The following CSMD2 variants were observed in gnomAD, a reference collection of about 807,000 sequenced individuals.
CSMD2 encodes the protein CUB and Sushi multiple domains 2, also known as CUB and sushi domain-containing protein 2.
Under a neutral mutation model 398.5 loss-of-function variants are expected in CSMD2, and 130 were observed. That is an observed-to-expected ratio of 0.33 (90% CI 0.28 to 0.38). The LOEUF (loss-of-function observed/expected upper bound fraction) is 0.38. Among genes scored for constraint, CSMD2 ranks in the 10% least tolerant of loss-of-function variants. The probability of loss-of-function intolerance (pLI) is 1.00; values close to 1 mark genes in which losing one functional copy is unlikely to be tolerated. For synonymous variants in CSMD2, 1,828 were observed against 1,908.5 expected, an observed-to-expected ratio of 0.96 and a Z score of 1.10; for missense variants, 3,829 against 4,764.9, an observed-to-expected ratio of 0.80 and a Z score of 5.78.
chr1:33,988,520 CT>C (rs1646437413), intron 3 of CSMD2, among the ~76,000 whole-genome samples: 1 of 152,204 alleles, frequency 6.6e-6, no homozygotes, highest in African/African-American at 2.4e-5. Flanking sequence ...CTGCCACTCT[CT>C]GTTTCCTAAC....
chr1:33,758,434 AGCTGT>A (rs1427888921), intron 13 of CSMD2, among the ~76,000 whole-genome samples: 6 of 152,192 alleles, frequency 3.9e-5, no homozygotes, highest in Non-Finnish European at 8.8e-5. Context: ...CTCTCACTCC[AGCTGT>A]GTTGGCTTTG....
chr1:34,097,855 C>A (rs1488099999), intron 1 of CSMD2, among the ~76,000 whole-genome samples: 13 of 75,950 alleles, frequency 1.7e-4, no homozygotes, highest in Non-Finnish European at 1.8e-4. Context: ...GTCAGTGTGG[C>A]GATTCCTCAG....
chr1:33,735,129 T>C (rs963759575), intron 15 of CSMD2, among the ~76,000 whole-genome samples: 2 of 152,222 alleles, frequency 1.3e-5, no homozygotes, highest in Admixed American at 1.3e-4. Context: ...CATAGAGGTG[T>C]TGGAAACTAT....
Position 33,714,778 on chromosome 1 carries a change from G to A in CSMD2, c.3218-3C>T. On this transcript the variant is annotated splice_region_variant and splice_polypyrimidine_tract_variant and intron_variant, in intron 20 of 70. Coordinates refer to ENST00000373381, the MANE Select transcript of CSMD2 (RefSeq NM_001281956.2). ...CTCACAGGGCTCCAAGTCGTACTCT[G>A]GAAAGGTAGCAGGAGATCCGGGCTC... 2 of 1,613,776 alleles carry A rather than the reference G, an allele frequency of 1.2e-6. No homozygotes were observed. The highest frequency in any genetic ancestry group is 1.7e-5 in the Admixed American group (1 of 60,004).
At chr1:33,748,713 C>T (rs1467198566) in intron 13 of CSMD2, among the ~76,000 whole-genome samples, 1 of 152,058 alleles carries the variant, frequency 6.6e-6, no homozygotes, top group African/African-American at 2.4e-5. Flanking sequence ...AGTTATAATA[C>T]TTTATGTCCA....
chr1:33,714,462 G>A, intron 21 of CSMD2, 125 bp downstream of exon 21: 2 of 1,122,454 alleles, frequency 1.8e-6, no homozygotes, highest in East Asian at 2.4e-5. Context: ...CCCACTGCAG[G>A]TAAGTGTGGT....
rs1210413492 is a variant in CSMD2 at position 33,646,642 on chromosome 1, C to G, written c.4774+6G>C. 6.2e-7 allele frequency: 1 copy of G among 1,613,012 alleles called. No individual in the cohort carries two copies. Among genetic ancestry groups the G allele is most frequent in the Admixed American group, 1.7e-5 (1 of 60,014 alleles). On this transcript the variant is annotated splice_donor_region_variant and intron_variant, in intron 29 of 70. Transcript: ENST00000373381. ...CCTCAGTACTCTCTGGCACCAGGGC[C>G]CTTACCTGTATAGTCAATGACGAAG...
chr1:33,840,604 C>T lies in CSMD2; in HGVS notation c.1033+6280G>A, dbSNP rs78135239. On this transcript the variant is annotated intron_variant, in intron 6 of 70. Coordinates refer to ENST00000373381, the MANE Select transcript of CSMD2 (RefSeq NM_001281956.2). ...ACAGTTTGATGACTGAGTGAATGAA[C>T]GACTGTTATAAGAATATGTGCTTTA... is the stretch of plus-strand genomic sequence containing the variant. 2.8e-3 allele frequency among the ~76,000 whole-genome samples: 424 copies of T among 152,294 alleles called. 10 individuals carry two copies. The East Asian group carries it at 0.033, about 12-fold the overall frequency.
At chr1:33,617,716 T>C (rs1570961019) in intron 37 of CSMD2, 99 bp from the exon 38 acceptor site, 1 of 832,470 alleles carries the variant, frequency 1.2e-6, no homozygotes, top group Non-Finnish European at 2.0e-6. Flanking sequence ...GGAGAAGGGG[T>C]GCTTCTAATT....
At chr1:34,042,022 G>A (rs947416013) in intron 2 of CSMD2, among the ~76,000 whole-genome samples, 1 of 152,220 alleles carries the variant, frequency 6.6e-6, no homozygotes, top group African/African-American at 2.4e-5. Flanking sequence ...CAAGCTCAGA[G>A]ACATGGCTTT....
intron 3 of CSMD2, among the ~76,000 whole-genome samples, chr1:33,970,598 C>T (rs1645726281): frequency 6.6e-6 from 1 of 152,238 alleles, no homozygotes; most frequent in Non-Finnish European, 1.5e-5. Flanking sequence ...GGGCAGCTCT[C>T]CTTCCCAGCC....
At chr1:33,757,286 A>G (rs1420522628) in intron 13 of CSMD2, among the ~76,000 whole-genome samples, 2 of 152,038 alleles carry the variant, frequency 1.3e-5, no homozygotes, top group East Asian at 1.9e-4. Flanking sequence ...GTGCACATGT[A>G]CCCTAAAACT....
At chr1:34,014,179 G>A (rs1376545211) in intron 3 of CSMD2, among the ~76,000 whole-genome samples, 3 of 152,088 alleles carry the variant, frequency 2.0e-5, no homozygotes, top group African/African-American at 7.2e-5. Flanking sequence ...AGCGCCCCCT[G>A]GCTTCTCACC....
chr1:33,581,354 TA>T (rs35599517), intron 47 of CSMD2, among the ~76,000 whole-genome samples: 19,891 of 83,694 alleles, frequency 0.24, 2,835 homozygotes, highest in African/African-American at 0.47. Context: ...CCATCTTTAC[TA>T]AAAAAAAAAA....
chr1:34,058,786 G>A (rs1171545166), intron 2 of CSMD2, among the ~76,000 whole-genome samples: 1 of 151,894 alleles, frequency 6.6e-6, no homozygotes, highest in Non-Finnish European at 1.5e-5. Context: ...CAGAAGCCTG[G>A]ACCCTGCTCC....
intron 39 of CSMD2, among the ~76,000 whole-genome samples, chr1:33,615,197 T>TGGTG (rs1641306477): frequency 6.6e-6 from 1 of 152,230 alleles, no homozygotes; most frequent in African/African-American, 2.4e-5. Context: ...ACCACCAGGC[T>TGGTG]GTCTGAGTGA....
At chr1:33,698,056 A>T (rs576719408) in intron 24 of CSMD2, among the ~76,000 whole-genome samples, 1 of 152,280 alleles carries the variant, frequency 6.6e-6, no homozygotes, top group East Asian at 1.9e-4. Context: ...AGTATGGGGG[A>T]ACTCACATTA....
chr1:34,164,715 G>A lies in CSMD2; in HGVS notation c.187+196C>T, dbSNP rs1460092869. ...TTGGGGCAGCAGTGAGGGTGAGGGT[G>A]GAGGTGAGGACGTGGCTGAGGGTGG... On this transcript the variant is annotated intron_variant, in intron 1 of 70. Transcript: ENST00000373381. The surrounding 1 kb of genome is among the most constrained non-coding windows in gnomAD (Gnocchi z 6.2). Among the ~76,000 whole-genome samples the A allele has an allele frequency of 6.6e-6, 1 of 152,020 alleles. No individual in the cohort carries two copies. The highest frequency in any genetic ancestry group is 2.4e-5 in the African/African-American group (1 of 41,402).
At chr1:34,088,657 T>A (rs1023171412) in intron 2 of CSMD2, among the ~76,000 whole-genome samples, 4 of 152,194 alleles carry the variant, frequency 2.6e-5, no homozygotes, top group African/African-American at 9.6e-5. Flanking sequence ...TATCTGTTGG[T>A]TCCAACTTAT....
Sources: allele counts gnomAD v4.1 joint callset (sites outside exome capture counted in the v4.1 genomes callset), GRCh38; gene constraint gnomAD v4.1.1; non-coding constraint Gnocchi (gnomAD v3.1); transcripts MANE v1.5; gene names NCBI Gene and HGNC (gene_info 2026-07-23, HGNC 2026-07-21).